CYB5R4: variants seen among roughly 807,000 people sequenced by gnomAD.
The protein encoded by CYB5R4 is cytochrome b5 reductase 4.
Under a neutral mutation model 70.2 loss-of-function variants are expected in CYB5R4, and 55 were observed. The observed-to-expected ratio is 0.78, with a 90% confidence interval of 0.63 to 0.98. The LOEUF (loss-of-function observed/expected upper bound fraction) is 0.98. CYB5R4 is among the 50% of genes least tolerant of loss of function. The pLI is 0.00. For missense variants in CYB5R4, 562 were observed against 612.6 expected (o/e 0.92, Z 0.87); for synonymous variants, 197 against 199.5 (o/e 0.99, Z 0.11).
At chr6:83,869,042 A>C (rs550188367) in intron 2 of CYB5R4, among the ~76,000 whole-genome samples, 2 of 152,216 alleles carry the variant, frequency 1.3e-5, no homozygotes, top group Non-Finnish European at 2.9e-5. Context: ...AATGGATTTT[A>C]CTTATTTAGA....
At chr6:83,890,675 T>C (rs1446887837) in intron 2 of CYB5R4, among the ~76,000 whole-genome samples, 1 of 152,166 alleles carries the variant, frequency 6.6e-6, no homozygotes, top group Non-Finnish European at 1.5e-5. Flanking sequence ...AAATCTCTCA[T>C]GAAAGGTCGA....
intron 14 of CYB5R4, among the ~76,000 whole-genome samples, chr6:83,944,992 T>C (rs968914679): frequency 3.3e-5 from 5 of 151,828 alleles, no homozygotes; most frequent in Non-Finnish European, 5.9e-5. Flanking sequence ...TTTAACACCC[T>C]ACTGTCAATA....
At chr6:83,959,250 C>A (rs538722086) in intron 15 of CYB5R4, among the ~76,000 whole-genome samples, 3 of 152,084 alleles carry the variant, frequency 2.0e-5, no homozygotes, top group Admixed American at 2.0e-4. Context: ...AAAAGAGAGG[C>A]AACCATTTAT....
intron 3 of CYB5R4, among the ~76,000 whole-genome samples, chr6:83,907,521 G>A (rs1437479031): frequency 6.6e-6 from 1 of 151,470 alleles, no homozygotes; most frequent in African/African-American, 2.4e-5. Context: ...TACGTGTGCA[G>A]GTTTGTTATA....
At chr6:83,953,686 C>A (rs889008001) in intron 14 of CYB5R4, among the ~76,000 whole-genome samples, 1 of 151,988 alleles carries the variant, frequency 6.6e-6, no homozygotes, top group Non-Finnish European at 1.5e-5. Context: ...GATATAAGAA[C>A]CTGATCTGGA....
intron 2 of CYB5R4, among the ~76,000 whole-genome samples, chr6:83,889,606 C>T (rs1452903992): frequency 6.6e-6 from 1 of 152,186 alleles, no homozygotes; most frequent in Admixed American, 6.5e-5. Flanking sequence ...CAACTGGTCA[C>T]CCAAGAGGTC....
At chr6:83,882,624 A>C (rs1434431324) in intron 2 of CYB5R4, among the ~76,000 whole-genome samples, 2 of 152,234 alleles carry the variant, frequency 1.3e-5, no homozygotes, top group African/African-American at 4.8e-5. Context: ...GAGATGATCC[A>C]GATGTTGAAC....
chr6:83,937,535 G>A (rs1332144429), intron 12 of CYB5R4, among the ~76,000 whole-genome samples: 1 of 152,020 alleles, frequency 6.6e-6, no homozygotes, highest in Non-Finnish European at 1.5e-5. Context: ...TTGTTTGTTT[G>A]TTTTATTTTT....
chr6:83,897,596 TGG>T (rs1174713146), intron 3 of CYB5R4, among the ~76,000 whole-genome samples: 109 of 152,328 alleles, frequency 7.2e-4, no homozygotes, highest in South Asian at 1.2e-3. Flanking sequence ...TTCTAACTGG[TGG>T]GAGATGGTAT....
intron 2 of CYB5R4, among the ~76,000 whole-genome samples, chr6:83,874,372 A>T (rs1361400612): frequency 6.6e-6 from 1 of 150,978 alleles, no homozygotes; most frequent in Non-Finnish European, 1.5e-5. Flanking sequence ...TTAAAAAAAA[A>T]ATTATTTTTT....
intron 14 of CYB5R4, among the ~76,000 whole-genome samples, chr6:83,947,948 G>A (rs1329302199): frequency 2.5e-4 from 38 of 152,102 alleles, no homozygotes; most frequent in Non-Finnish European, 4.6e-4. Flanking sequence ...CAACCCTTGT[G>A]GAAGACAGTG....
Position 83,964,634 on chromosome 6 carries a change from C to G in CYB5R4, c.*4756C>G, listed in dbSNP as rs1269048731. The stretch of plus-strand genomic sequence containing the variant: ...AAATCCTATTTTCTGAGGAGAAATT[C>G]AAGCTGGCTGTAGATATTTGCATAA... On this transcript the variant is annotated 3_prime_UTR_variant, in exon 16 of 16. Transcript: ENST00000369681. 6.6e-6 allele frequency: 1 copy of G among 152,178 alleles called. No homozygotes were observed. The allele number at this position is 152,178 out of a possible 1,614,324, so 9.4% of individuals were successfully genotyped here. A position where few individuals can be genotyped will look rare whatever the true frequency, so the allele number is the denominator to read the frequency against.
At position 83,921,074 on chromosome 6, in the gene CYB5R4, T is replaced by A. The variant is rs374001125; in HGVS notation, c.565-8T>A. ...TTCTAATCTTTCTATTTTTGCTTTC[T>A]CTTTAAGGATATCAATTTAGACTCA... On this transcript the variant is annotated splice_region_variant and splice_polypyrimidine_tract_variant and intron_variant, in intron 7 of 15. Coordinates refer to ENST00000369681, the MANE Select transcript of CYB5R4 (RefSeq NM_016230.4). The A allele has an allele frequency of 1.1e-4, 167 of 1,476,638 alleles. 1 individual carries two copies. The highest frequency in any genetic ancestry group is 9.1e-4 in the Middle Eastern group (5 of 5,472). The allele number at this position is 1,476,638 out of a possible 1,614,324, so 91.5% of individuals were successfully genotyped here.
At chr6:83,914,269 CTA>C in intron 4 of CYB5R4, 145 bp from the exon 5 acceptor site, 2 of 772,452 alleles carry the variant, frequency 2.6e-6, no homozygotes, top group South Asian at 4.0e-5. Context: ...AAGGCCGTTT[CTA>C]TATTGGCCTG....
At position 83,924,488 on chromosome 6, in the gene CYB5R4, T is replaced by G. The variant is rs1470114558; in HGVS notation, c.710T>G (p.Val237Gly). The G allele has an allele frequency of 3.1e-6, 5 of 1,613,680 alleles. No homozygotes were observed. Among genetic ancestry groups the G allele is most frequent in the Non-Finnish European group, 4.2e-6 (5 of 1,179,774 alleles). The change falls in exon 10 of 16, where the codon GTG becomes GGG. Residue 237 changes from valine to glycine, a missense_variant. Physicochemically the swap from Val to Gly is moderately radical, Grantham distance 109. Transcript: ENST00000369681. ...TTTTCAGTGCGGGTTGTTGAGAGTGTGGGAAAAATAGAGATTGTTCTACAA... is the reference window on the plus strand; with the variant it reads ...TTTTCAGTGCGGGTTGTTGAGAGTGGGGGAAAAATAGAGATTGTTCTACAA... Reference protein sequence around the residue: ...EDFSVRVVESVGKIEIVLQKK... With the variant: ...EDFSVRVVESGGKIEIVLQKK...
rs2099466331 is a variant in CYB5R4 at position 83,921,256 on chromosome 6, CTG to C, written c.658+83_658+84del. The C allele has an allele frequency of 1.6e-6, 2 of 1,218,066 alleles. 1 individual carries two copies. The highest frequency in any genetic ancestry group is 2.2e-6 in the Non-Finnish European group (2 of 912,442). The allele number at this position is 1,218,066 out of a possible 1,614,324, so 75.5% of individuals were successfully genotyped here. ...ATAACTTGGTCTACAGTCTAGGTAACTGTAATATTTTATCTGCTGTTACCATT... is the reference window on the plus strand; with the variant it reads ...ATAACTTGGTCTACAGTCTAGGTAACTAATATTTTATCTGCTGTTACCATT... On this transcript the variant is annotated intron_variant, in intron 8 of 15. Coordinates refer to ENST00000369681, the MANE Select transcript of CYB5R4 (RefSeq NM_016230.4).
intron 14 of CYB5R4, among the ~76,000 whole-genome samples, chr6:83,950,426 G>C (rs1467981109): frequency 3.3e-5 from 5 of 152,104 alleles, no homozygotes; most frequent in Non-Finnish European, 7.3e-5. Flanking sequence ...ATCAGTGTAT[G>C]AGGCTCAGTT....
intron 1 of CYB5R4, among the ~76,000 whole-genome samples, chr6:83,860,499 G>A (rs1362177280): frequency 2.0e-5 from 3 of 152,228 alleles, no homozygotes; most frequent in African/African-American, 4.8e-5. Context: ...CACAGTTGCT[G>A]TTAGCAACAG....
chr6:83,916,642 A>G (rs2099465558), intron 5 of CYB5R4, among the ~76,000 whole-genome samples: 1 of 152,132 alleles, frequency 6.6e-6, no homozygotes, highest in Non-Finnish European at 1.5e-5. Flanking sequence ...TTATTTGAAA[A>G]TAGTGTTCTG....
Sources: allele counts gnomAD v4.1 joint callset (sites outside exome capture counted in the v4.1 genomes callset), GRCh38; gene constraint gnomAD v4.1.1; transcripts MANE v1.5; gene names NCBI Gene and HGNC (gene_info 2026-07-23, HGNC 2026-07-21).